SLC38A4: variants seen among roughly 807,000 people sequenced by gnomAD.
The protein encoded by SLC38A4 is solute carrier family 38 member 4.
In SLC38A4, 20 loss-of-function variants were observed where a neutral mutation model predicts 63.1. The ratio of observed to expected loss-of-function variants is 0.32; its 90% CI spans 0.22 to 0.46. SLC38A4 has a LOEUF of 0.46. SLC38A4 is among the 20% of genes least tolerant of loss of function. The probability of loss-of-function intolerance (pLI) is 1.00; values close to 1 mark genes in which losing one functional copy is unlikely to be tolerated. For missense variants in SLC38A4, 526 were observed against 663.6 expected, an observed-to-expected ratio of 0.79 and a Z score of 2.28; for synonymous variants, 230 against 225.5, an observed-to-expected ratio of 1.02 and a Z score of -0.18.
chr12:46,817,064 G>C (rs1307356609), intron 1 of SLC38A4, among the ~76,000 whole-genome samples: 1 of 151,622 alleles, frequency 6.6e-6, no homozygotes, highest in Middle Eastern at 3.2e-3. Context: ...TATGCAGTTG[G>C]GGCCAGGCTT....
At chr12:46,819,767 T>C (rs1381080807) in intron 1 of SLC38A4, among the ~76,000 whole-genome samples, 1 of 151,910 alleles carries the variant, frequency 6.6e-6, no homozygotes, top group African/African-American at 2.4e-5. Context: ...AATTTCCCAA[T>C]TGAAAAGATT....
intron 1 of SLC38A4, among the ~76,000 whole-genome samples, chr12:46,823,701 G>T (rs929371847): frequency 6.6e-6 from 1 of 152,208 alleles, no homozygotes; most frequent in African/African-American, 2.4e-5. Context: ...ACCTCAACGG[G>T]ATATTTACAA....
At position 46,792,955 on chromosome 12, in the gene SLC38A4, G is replaced by A; in HGVS notation, c.117C>T (p.Ser39=). 1 of 1,609,010 alleles carries A rather than the reference G, an allele frequency of 6.2e-7. No homozygotes were observed. Among genetic ancestry groups the A allele is most frequent in the South Asian group, 1.1e-5 (1 of 90,972 alleles). ...GIGNSEKAAM[S]SQFANEDTES... ...CATAGTAATTTTTAACCCCATACCT[G>A]CTCATTGCTGCCTTTTCTGAATTTC... Residue 39 remains serine (S), a splice_region_variant and synonymous_variant, in exon 3 of 17, where the codon AGC becomes AGT. Coordinates refer to ENST00000266579, the MANE Select transcript of SLC38A4 (RefSeq NM_018018.5).
At chr12:46,786,252 G>A (rs1224057228) in intron 5 of SLC38A4, among the ~76,000 whole-genome samples, 1 of 152,084 alleles carries the variant, frequency 6.6e-6, no homozygotes, top group Non-Finnish European at 1.5e-5. Context: ...TTCTAAACAT[G>A]TACTTTCTCT....
intron 3 of SLC38A4, 55 bp downstream of exon 3, chr12:46,792,898 A>G (rs1283745651): frequency 3.8e-6 from 5 of 1,314,512 alleles, no homozygotes; most frequent in Non-Finnish European, 5.5e-6. Flanking sequence ...CCTGTTTTCC[A>G]TGTCCACATC....
At chr12:46,779,030 C>G (rs548517086) in intron 10 of SLC38A4, among the ~76,000 whole-genome samples, 13 of 152,070 alleles carry the variant, frequency 8.5e-5, no homozygotes, top group African/African-American at 3.1e-4. Context: ...CTTTCATGCC[C>G]TTCCATGAGA....
upstream of SLC38A4, among the ~76,000 whole-genome samples, chr12:46,830,645 GC>G (rs576259966): frequency 1.1e-4 from 17 of 152,170 alleles, no homozygotes; most frequent in East Asian, 3.3e-3. Context: ...CTGCCCACCC[GC>G]CCCCGTCCGC....
rs1317992896 is a variant in SLC38A4 at position 46,797,644 on chromosome 12, T to C, written c.-112-4461A>G. ...GTCATCTTATATCTATATACATCTA[T>C]ACCTGTCTGTCTATTTATCTCCAGT... On this transcript the variant is annotated intron_variant, in intron 2 of 16. Transcript: ENST00000266579. Among the ~76,000 whole-genome samples, 4 of 152,302 alleles carry C rather than the reference T, an allele frequency of 2.6e-5. No homozygotes were observed. In the South Asian group the frequency reaches 6.2e-4, roughly 24 times the overall value.
chr12:46,801,173 A>G (rs946502004), intron 2 of SLC38A4, among the ~76,000 whole-genome samples: 3 of 152,134 alleles, frequency 2.0e-5, no homozygotes, highest in Non-Finnish European at 2.9e-5. Context: ...ATATTATTAT[A>G]TTAGAATAAT....
chr12:46,792,157 T>C (rs1938903643), intron 3 of SLC38A4, among the ~76,000 whole-genome samples: 1 of 152,068 alleles, frequency 6.6e-6, no homozygotes, highest in Non-Finnish European at 1.5e-5. Context: ...GAGCAAAATG[T>C]AAGACAGGGA....
chr12:46,804,335 C>G (rs975134687), intron 1 of SLC38A4, among the ~76,000 whole-genome samples: 5 of 151,782 alleles, frequency 3.3e-5, no homozygotes, highest in East Asian at 3.9e-4. Flanking sequence ...AAAAAAAAAT[C>G]TACTTGGCTC....
At chr12:46,791,967 C>T (rs777699901) in intron 3 of SLC38A4, among the ~76,000 whole-genome samples, 1 of 151,940 alleles carries the variant, frequency 6.6e-6, no homozygotes, top group Non-Finnish European at 1.5e-5. Context: ...AAAAACAGGA[C>T]AGGAGGGGCA....
At position 46,791,362 on chromosome 12, in the gene SLC38A4, C is replaced by G. The variant is rs149416670; in HGVS notation, c.119+1591G>C. ...TCTGCAGACTCCAAAGCCCTGTCTT[C>G]TAGCACCCTAGTGTTTCTTCAAGGG... is the stretch of plus-strand genomic sequence containing the variant. On this transcript the variant is annotated intron_variant, in intron 3 of 16. Coordinates refer to ENST00000266579, the MANE Select transcript of SLC38A4 (RefSeq NM_018018.5). Among the ~76,000 whole-genome samples, 11 of 152,272 alleles carry G rather than the reference C, an allele frequency of 7.2e-5. No individual in the cohort carries two copies. In the East Asian group the frequency reaches 2.1e-3, roughly 29 times the overall value.
chr12:46,803,755 C>T lies in SLC38A4; in HGVS notation c.-265G>A, dbSNP rs1939177390. The T allele has an allele frequency of 6.6e-6, 1 of 151,616 alleles. No individual in the cohort carries two copies. The allele number at this position is 151,616 out of a possible 1,614,324, so 9.4% of individuals were successfully genotyped here. ...CGAGACAAGCCAATCAACACCACCACCTCACCCCAACACCTCCTTCTGTCC... is the reference window on the plus strand; with the variant it reads ...CGAGACAAGCCAATCAACACCACCATCTCACCCCAACACCTCCTTCTGTCC... On this transcript the variant is annotated 5_prime_UTR_variant, in exon 2 of 17. It adds an upstream start codon to the 5' untranslated region. Coordinates refer to ENST00000266579, the MANE Select transcript of SLC38A4 (RefSeq NM_018018.5).
At chr12:46,775,225 G>A in intron 13 of SLC38A4, 52 bp from the exon 14 acceptor site, 5 of 1,576,316 alleles carry the variant, frequency 3.2e-6, no homozygotes, top group Non-Finnish European at 4.3e-6. Context: ...AATCAGCACA[G>A]GTCACTTATG....
At chr12:46,796,135 C>A (rs1938998455) in intron 2 of SLC38A4, among the ~76,000 whole-genome samples, 1 of 152,108 alleles carries the variant, frequency 6.6e-6, no homozygotes, top group Non-Finnish European at 1.5e-5. Context: ...CTCAATGTCA[C>A]ATCCAAAATA....
Position 46,765,229 on chromosome 12 carries a change from GT to G in SLC38A4, c.*1471del, listed in dbSNP as rs1938272151. 1 of 155,774 alleles carries G rather than the reference GT, an allele frequency of 6.4e-6. No individual in the cohort carries two copies. Among genetic ancestry groups the G allele is most frequent in the South Asian group, 1.9e-4 (1 of 5,390 alleles). The allele number at this position is 155,774 out of a possible 1,614,324, so 9.6% of individuals were successfully genotyped here. A position where few individuals can be genotyped will look rare whatever the true frequency, so the allele number is the denominator to read the frequency against. On this transcript the variant is annotated 3_prime_UTR_variant, in exon 17 of 17. Coordinates refer to ENST00000266579, the MANE Select transcript of SLC38A4 (RefSeq NM_018018.5). ...GAAAAAAAGGTAGTGAACTCCAGAA[GT>G]TTTAGGCTGTGAGTAGGAATTTTTA...
chr12:46,801,112 A>G (rs571901874), intron 2 of SLC38A4, among the ~76,000 whole-genome samples: 16 of 152,284 alleles, frequency 1.1e-4, no homozygotes, highest in African/African-American at 3.6e-4. Context: ...TGTTAATTCA[A>G]TTGACTCTTC....
At chr12:46,787,689 A>G (rs192492066) in intron 5 of SLC38A4, among the ~76,000 whole-genome samples, 1 of 152,252 alleles carries the variant, frequency 6.6e-6, no homozygotes, top group Admixed American at 6.5e-5. Flanking sequence ...TATTTCAAGT[A>G]TTTACTGAAT....
Sources: gnomAD v4.1 joint callset for allele counts (sites outside exome capture counted in the v4.1 genomes callset) on GRCh38, gnomAD v4.1.1 for gene constraint, MANE v1.5 for transcripts, NCBI Gene and HGNC (gene_info 2026-07-23, HGNC 2026-07-21) for gene names.